The following TNKS variants were observed in gnomAD, a reference collection of about 807,000 sequenced individuals.
TNKS encodes the protein tankyrase.
Under a neutral mutation model 135.8 loss-of-function variants are expected in TNKS, and 72 were observed. The observed-to-expected ratio is 0.53, with a 90% CI of 0.44 to 0.64. The LOEUF (loss-of-function observed/expected upper bound fraction) is 0.64, where lower values mean the gene tolerates loss of function less well. Among genes scored for constraint, TNKS ranks in the 30% least tolerant of loss-of-function variants. The pLI is 0.00. For synonymous variants in TNKS, 849 were observed against 649.3 expected, an observed-to-expected ratio of 1.31 and a Z score of -4.68; for missense variants, 1,769 against 1,674.0, an observed-to-expected ratio of 1.06 and a Z score of -0.99.
At chr8:9,735,270 A>G in intron 16 of TNKS, 107 bp from the exon 17 acceptor site, 1 of 1,184,834 alleles carries the variant, frequency 8.4e-7, no homozygotes, top group South Asian at 1.5e-5. Context: ...TTAGCTTTTG[A>G]AGCAAAAAGT....
chr8:9,642,052 T>C (rs772913067), intron 3 of TNKS, among the ~76,000 whole-genome samples: 1 of 146,324 alleles, frequency 6.8e-6, no homozygotes, highest in Non-Finnish European at 1.5e-5. Context: ...TAGAAGTGTT[T>C]GGCTTAAATC....
rs780711522 is a variant in TNKS at position 9,580,294 on chromosome 8, G to A, written c.809G>A (p.Cys270Tyr). Residue 270 changes from cysteine to tyrosine, a missense_variant, in exon 2 of 27, where the codon TGC becomes TAC. Cys to Tyr is a radical substitution (Grantham distance 194, BLOSUM62 -2). Around this residue, in one of 5 missense-constraint regions of TNKS, gnomAD observed 523 missense variants for 541.0 expected, o/e 0.97. Transcript: ENST00000310430. ...GHAEVVSLLL[C>Y]QGADPNARDN... ...GCTGAGGTTGTGAGTCTGTTATTGT[G>A]CCAAGGAGCTGATCCAAATGCCAGG... The A allele has an allele frequency of 3.1e-6, 5 of 1,614,160 alleles. No individual in the cohort carries two copies. In the East Asian group the frequency reaches 8.9e-5, roughly 29 times the overall value.
At position 9,580,281 on chromosome 8, in the gene TNKS, A is replaced by C; in HGVS notation, c.796A>C (p.Ser266Arg). ...ACSFGHAEVV[S>R]LLLCQGADPN... is the part of the protein sequence containing the mutation. ...TTCTTTTGGCCATGCTGAGGTTGTG[A>C]GTCTGTTATTGTGCCAAGGAGCTGA... The change falls in exon 2 of 27, where the codon AGT becomes CGT. Residue 266 changes from serine to arginine, a missense_variant. By Grantham distance (110) the Ser-to-Arg change is moderately radical (BLOSUM62 -1). Coordinates refer to ENST00000310430, the MANE Select transcript of TNKS (RefSeq NM_003747.3). 6.2e-7 allele frequency: 1 copy of C among 1,614,136 alleles called. No individual in the cohort carries two copies. Among genetic ancestry groups the C allele is most frequent in the Non-Finnish European group, 8.5e-7 (1 of 1,180,028 alleles).
At chr8:9,622,399 G>T (rs1226163752) in intron 3 of TNKS, among the ~76,000 whole-genome samples, 1 of 152,142 alleles carries the variant, frequency 6.6e-6, no homozygotes, top group East Asian at 1.9e-4. Context: ...TTTGATCCAG[G>T]TGCTATTTCA....
chr8:9,647,026 G>T (rs1419971617), intron 3 of TNKS, among the ~76,000 whole-genome samples: 5 of 152,088 alleles, frequency 3.3e-5, no homozygotes, highest in African/African-American at 9.7e-5. Flanking sequence ...GATCAGATTT[G>T]CAAAACTCCA....
chr8:9,759,060 C>T (rs1433864415), intron 20 of TNKS, among the ~76,000 whole-genome samples: 1 of 152,184 alleles, frequency 6.6e-6, no homozygotes, highest in Non-Finnish European at 1.5e-5. Flanking sequence ...AACATGGTTT[C>T]TTGCTCTATC....
At chr8:9,579,707 G>A (rs1798096191) in intron 1 of TNKS, among the ~76,000 whole-genome samples, 2 of 152,102 alleles carry the variant, frequency 1.3e-5, no homozygotes, top group African/African-American at 2.4e-5. Context: ...GACCTCAGGT[G>A]ACCCGCCCAC....
intron 5 of TNKS, among the ~76,000 whole-genome samples, chr8:9,692,982 C>T (rs946320952): frequency 4.6e-5 from 7 of 152,160 alleles, no homozygotes; most frequent in African/African-American, 7.2e-5. Flanking sequence ...CTACTAAGCT[C>T]GTTGCTTCTT....
chr8:9,697,104 C>T (rs1302961026), intron 5 of TNKS, among the ~76,000 whole-genome samples: 1 of 152,016 alleles, frequency 6.6e-6, no homozygotes, highest in Non-Finnish European at 1.5e-5. Flanking sequence ...AAAACAGACA[C>T]GTAGACTGAT....
At chr8:9,558,060 G>GT (rs1459425723) in intron 1 of TNKS, 4 of 152,118 alleles carry the variant, frequency 2.6e-5, no homozygotes, top group Non-Finnish European at 5.9e-5. Flanking sequence ...GCTTTCACAT[G>GT]TTTTTTATTG....
intron 1 of TNKS, among the ~76,000 whole-genome samples, chr8:9,572,402 A>G (rs1797789175): frequency 6.6e-6 from 1 of 152,188 alleles, no homozygotes; most frequent in African/African-American, 2.4e-5. Context: ...CTCCATGAAT[A>G]TATTAATCTG....
At position 9,556,392 on chromosome 8, in the gene TNKS, G is replaced by T. The variant is rs750764842; in HGVS notation, c.453G>T (p.Ala151=). 1.3e-5 allele frequency: 21 copies of T among 1,614,196 alleles called. No homozygotes were observed. The highest frequency in any genetic ancestry group is 1.8e-5 in the Non-Finnish European group (21 of 1,180,030). Residue 151 remains alanine (A), a synonymous_variant, in exon 1 of 27, where the codon GCG becomes GCT. Transcript: ENST00000310430. ...SSPSSPGSSL[A]ESPEAAGVSS... ...CATCCTCCCCTGGATCGAGCTTGGC[G>T]GAGAGCCCCGAGGCGGCCGGAGTTA... is the stretch of plus-strand genomic sequence containing the variant.
chr8:9,567,696 C>T (rs1020266103), intron 1 of TNKS, among the ~76,000 whole-genome samples: 36 of 152,212 alleles, frequency 2.4e-4, no homozygotes, highest in Non-Finnish European at 4.1e-4. Context: ...GGATTACAGG[C>T]CTGAGCCACC....
intron 2 of TNKS, among the ~76,000 whole-genome samples, chr8:9,602,774 C>A (rs1165219861): frequency 6.6e-6 from 1 of 152,168 alleles, no homozygotes; most frequent in Non-Finnish European, 1.5e-5. Flanking sequence ...AATAATGTTT[C>A]ATTTAACTCA....
At chr8:9,579,719 T>C (rs1798096776) in intron 1 of TNKS, among the ~76,000 whole-genome samples, 1 of 152,142 alleles carries the variant, frequency 6.6e-6, no homozygotes, top group African/African-American at 2.4e-5. Context: ...CCCGCCCACC[T>C]CGGCCTCACA....
At chr8:9,747,418 C>T (rs1044007877) in intron 17 of TNKS, among the ~76,000 whole-genome samples, 2 of 152,080 alleles carry the variant, frequency 1.3e-5, no homozygotes, top group Non-Finnish European at 2.9e-5. Context: ...GTCTCATCAC[C>T]TCATGCCCAG....
chr8:9,719,499 G>C (rs545188233), intron 11 of TNKS, among the ~76,000 whole-genome samples: 27 of 152,288 alleles, frequency 1.8e-4, no homozygotes, highest in African/African-American at 6.5e-4. Context: ...AGACAGTAAA[G>C]TGCTAAATTG....
intron 1 of TNKS, among the ~76,000 whole-genome samples, chr8:9,572,855 G>A (rs1474945781): frequency 6.6e-6 from 1 of 152,160 alleles, no homozygotes; most frequent in Admixed American, 6.5e-5. Flanking sequence ...TGGCAAGTCT[G>A]TTGGCCGGGA....
rs772220531 is a variant in TNKS at position 9,778,525 on chromosome 8, A to G, written c.*1789A>G. On this transcript the variant is annotated 3_prime_UTR_variant, in exon 27 of 27. Transcript: ENST00000310430. ...TTTGAATGTTTGTAGCTGAATTTTTATGGGTCCTCAAAATTAAATCGAGAA... is the reference window on the plus strand; with the variant it reads ...TTTGAATGTTTGTAGCTGAATTTTTGTGGGTCCTCAAAATTAAATCGAGAA... 4 of 152,648 alleles carry G rather than the reference A, an allele frequency of 2.6e-5. No homozygotes were observed. Among genetic ancestry groups the G allele is most frequent in the Non-Finnish European group, 4.4e-5 (3 of 68,036 alleles). 9.5% of individuals were successfully genotyped at this position (152,648 alleles called of 1,614,324 possible). A position where few individuals can be genotyped will look rare whatever the true frequency, so the allele number is the denominator to read the frequency against.
Sources: gnomAD v4.1 joint callset for allele counts (sites outside exome capture counted in the v4.1 genomes callset) on GRCh38, gnomAD v4.1.1 for gene constraint, gnomAD v4.1.1 regional missense constraint, MANE v1.5 for transcripts, NCBI Gene and HGNC (gene_info 2026-07-23, HGNC 2026-07-21) for gene names.